Variants in LEMD1 observed in about 807,000 individuals in gnomAD.
LEMD1 encodes the protein LEM domain containing 1, also known as LEM domain-containing protein 1.
LEMD1 carries 18 observed loss-of-function variants against 17.4 expected under a neutral mutation model. The ratio of observed to expected loss-of-function variants is 1.04; its 90% CI spans 0.72 to 1.54. The LOEUF (loss-of-function observed/expected upper bound fraction) is 1.54, where lower values mean the gene tolerates loss of function less well. Among genes scored for constraint, LEMD1 ranks in the 40% most tolerant of loss-of-function variants. The probability of loss-of-function intolerance (pLI) is 0.00; values close to 1 mark genes in which losing one functional copy is unlikely to be tolerated. For missense variants in LEMD1, 195 were observed against 210.4 expected (o/e 0.93, Z 0.45); for synonymous variants, 88 against 77.8 (o/e 1.13, Z -0.69).
At chr1:205,438,938 C>A (rs536223294) in intron 1 of LEMD1, among the ~76,000 whole-genome samples, 1 of 152,226 alleles carries the variant, frequency 6.6e-6, no homozygotes, top group Admixed American at 6.5e-5. Context: ...CTCCCCAGGA[C>A]GTACTTTCTC....
At chr1:205,399,342 T>C (rs915095996) in intron 4 of LEMD1, among the ~76,000 whole-genome samples, 1 of 152,150 alleles carries the variant, frequency 6.6e-6, no homozygotes, top group African/African-American at 2.4e-5. Context: ...AGAAAGAACA[T>C]TGGGTTGTTA....
At chr1:205,419,482 T>C (rs1167908609) in intron 2 of LEMD1, 130 bp from the exon 3 acceptor site, 1 of 1,060,984 alleles carries the variant, frequency 9.4e-7, no homozygotes, top group African/African-American at 1.6e-5. Context: ...TGGCTTTTAT[T>C]TGAGACAGGG....
intron 4 of LEMD1, among the ~76,000 whole-genome samples, chr1:205,400,492 G>A (rs775393334): frequency 6.6e-6 from 1 of 152,182 alleles, no homozygotes; most frequent in Non-Finnish European, 1.5e-5. Flanking sequence ...TTCCTGCCGA[G>A]AACGCATGGC....
At chr1:205,384,042 T>C (rs1179605209) in intron 5 of LEMD1, among the ~76,000 whole-genome samples, 1 of 151,966 alleles carries the variant, frequency 6.6e-6, no homozygotes, top group African/African-American at 2.4e-5. Flanking sequence ...ACTTGGGCTG[T>C]GATCTCAGTC....
chr1:205,448,309 G>GC lies in LEMD1; in HGVS notation c.-39+1558dup. 1 of 530,708 alleles carries GC rather than the reference G, an allele frequency of 1.9e-6. No homozygotes were observed. The highest frequency in any genetic ancestry group is 3.9e-6 in the Non-Finnish European group (1 of 256,806). The allele number at this position is 530,708 out of a possible 1,614,324, so 32.9% of individuals were successfully genotyped here. On this transcript the variant is annotated intron_variant, in intron 1 of 3. Coordinates refer to the LEMD1 transcript ENST00000367154. This position sits in a 1 kb window ranked among gnomAD's most constrained non-coding sequence, Gnocchi z 4.7. The stretch of plus-strand genomic sequence containing the variant: ...TGCAGCTGCGCAGGAGAAGGAGCTC[G>GC]CCCCTCACTGTAGCCCATGGCTTTT...
intron 4 of LEMD1, among the ~76,000 whole-genome samples, chr1:205,395,096 C>A (rs1203447345): frequency 6.6e-6 from 1 of 151,456 alleles, no homozygotes; most frequent in Non-Finnish European, 1.5e-5. Flanking sequence ...TGTCTTTATT[C>A]TAAGGAAATA....
chr1:205,404,493 A>C (rs915774366), intron 4 of LEMD1, among the ~76,000 whole-genome samples: 4 of 151,964 alleles, frequency 2.6e-5, no homozygotes, highest in Non-Finnish European at 4.4e-5. Context: ...TGTTGGTTTA[A>C]AGTCTGTTTT....
intron 4 of LEMD1, chr1:205,385,216 T>A (rs1240142903): frequency 6.6e-6 from 1 of 152,172 alleles, no homozygotes; most frequent in Admixed American, 6.6e-5. Context: ...GTTTTGTTTG[T>A]TTGTTTTTGG....
chr1:205,396,840 T>C (rs1447164853), intron 4 of LEMD1, among the ~76,000 whole-genome samples: 2 of 152,228 alleles, frequency 1.3e-5, no homozygotes, highest in South Asian at 2.1e-4. Context: ...CCAAGAGGGA[T>C]ACACTGGGGG....
chr1:205,431,632 C>T (rs1666126343), intron 1 of LEMD1, among the ~76,000 whole-genome samples: 1 of 152,190 alleles, frequency 6.6e-6, no homozygotes. Flanking sequence ...AACTGAGGTC[C>T]AGACAAAGTC....
At chr1:205,386,264 C>G (rs1334897825) in intron 4 of LEMD1, 1 of 152,052 alleles carries the variant, frequency 6.6e-6, no homozygotes, top group Non-Finnish European at 1.5e-5. Context: ...AATGATGGAA[C>G]AGCTACAGCC....
intron 3 of LEMD1, among the ~76,000 whole-genome samples, 173 bp downstream of exon 3, chr1:205,419,057 T>C (rs1292420821): frequency 2.0e-5 from 3 of 152,254 alleles, no homozygotes; most frequent in Non-Finnish European, 2.9e-5. Flanking sequence ...AGATGTGAAG[T>C]TAACAGATTC....
chr1:205,439,931 A>G (rs1666265595), intron 1 of LEMD1, among the ~76,000 whole-genome samples: 1 of 151,650 alleles, frequency 6.6e-6, no homozygotes, highest in East Asian at 1.9e-4. Flanking sequence ...GGCTGGGGGT[A>G]AGGGCAGAGG....
At chr1:205,412,598 C>A (rs558238983) in intron 4 of LEMD1, among the ~76,000 whole-genome samples, 1 of 152,188 alleles carries the variant, frequency 6.6e-6, no homozygotes, top group African/African-American at 2.4e-5. Flanking sequence ...TTAAAGTCTA[C>A]AGTGTTAGAC....
intron 1 of LEMD1, among the ~76,000 whole-genome samples, chr1:205,438,817 T>C (rs1666248504): frequency 6.6e-6 from 1 of 151,850 alleles, no homozygotes. Flanking sequence ...GCCAAGGGAG[T>C]TCTCCCGGGG....
At chr1:205,433,236 A>T (rs1347630922) in intron 1 of LEMD1, among the ~76,000 whole-genome samples, 1 of 152,074 alleles carries the variant, frequency 6.6e-6, no homozygotes, top group African/African-American at 2.4e-5. Context: ...GCACTTTGGG[A>T]TCACAAGGTC....
chr1:205,427,947 G>A (rs1666078769), intron 1 of LEMD1, among the ~76,000 whole-genome samples: 1 of 152,150 alleles, frequency 6.6e-6, no homozygotes, highest in Non-Finnish European at 1.5e-5. Flanking sequence ...AACGGTTCCT[G>A]GTACTAAGGA....
At chr1:205,411,703 AAGAAAGAAAGAAAG>A (rs1665459603) in intron 4 of LEMD1, among the ~76,000 whole-genome samples, 1 of 147,806 alleles carries the variant, frequency 6.8e-6, no homozygotes. Context: ...AAGAAAAAGG[AAGAAAGAAAGAAAG>A]AGAAAGAAAG....
rs1248042374 is a variant in LEMD1 at position 205,403,015 on chromosome 1, G to A, written c.270+13217C>T. ...TGCTGGATTACATTTATTGATTTGC[G>A]TATATTGAACCAGCCTTGCAACCCA... is the stretch of plus-strand genomic sequence containing the variant. On this transcript the variant is annotated intron_variant, in intron 4 of 5. Coordinates refer to ENST00000367153, the MANE Select transcript of LEMD1 (RefSeq NM_001199050.2). Among the ~76,000 whole-genome samples the A allele has an allele frequency of 1.8e-4, 28 of 151,530 alleles. 1 individual carries two copies. Among genetic ancestry groups the A allele is most frequent in the Admixed American group, 7.2e-4 (11 of 15,188 alleles).
Sources: gnomAD v4.1 joint callset for allele counts (sites outside exome capture counted in the v4.1 genomes callset) on GRCh38, gnomAD v4.1.1 for gene constraint, Gnocchi (gnomAD v3.1) non-coding constraint, MANE v1.5 for transcripts, NCBI Gene and HGNC (gene_info 2026-07-23, HGNC 2026-07-21) for gene names.